The following SIK2 variants were observed in gnomAD, a reference collection of about 807,000 sequenced individuals.
SIK2 encodes salt inducible kinase 2.
SIK2 carries 29 observed loss-of-function variants against 103.2 expected under a neutral mutation model. That is an observed-to-expected ratio of 0.28 (90% CI 0.21 to 0.38). SIK2 has a LOEUF of 0.38. SIK2 is among the 10% of genes least tolerant of loss of function. The pLI, the probability that SIK2 is intolerant of heterozygous loss-of-function variation, is 1.00. For synonymous variants in SIK2, 412 were observed against 446.1 expected (o/e 0.92, Z 0.96); for missense variants, 879 against 1,171.0 (o/e 0.75, Z 3.64).
At chr11:111,647,195 A>C (rs181012308) in intron 3 of SIK2, among the ~76,000 whole-genome samples, 2 of 152,164 alleles carry the variant, frequency 1.3e-5, no homozygotes, top group Non-Finnish European at 2.9e-5. Flanking sequence ...CATTTAGATT[A>C]CTTCCAGTTT....
At chr11:111,620,188 G>A in intron 2 of SIK2, 151 bp from the exon 3 acceptor site, 1 of 617,414 alleles carries the variant, frequency 1.6e-6, no homozygotes, top group South Asian at 2.1e-5. Flanking sequence ...TAATCAGAAG[G>A]ATATTGTCAG....
chr11:111,651,882 C>CT (rs1456460443), intron 3 of SIK2, among the ~76,000 whole-genome samples: 2 of 152,228 alleles, frequency 1.3e-5, no homozygotes, highest in African/African-American at 4.8e-5. Context: ...AGCTCTATAG[C>CT]TTTTTTCTTG....
At chr11:111,662,154 A>G (rs1471074861) in intron 3 of SIK2, among the ~76,000 whole-genome samples, 1 of 152,234 alleles carries the variant, frequency 6.6e-6, no homozygotes, top group African/African-American at 2.4e-5. Context: ...AGTAATGTAT[A>G]TAGGATGATT....
intron 9 of SIK2, among the ~76,000 whole-genome samples, chr11:111,718,141 G>A (rs569099144): frequency 9.2e-5 from 14 of 152,250 alleles, no homozygotes; most frequent in African/African-American, 3.4e-4. Flanking sequence ...AAATTTTGAC[G>A]GAGGCCGTAA....
intron 4 of SIK2, among the ~76,000 whole-genome samples, chr11:111,692,386 A>AAAAAAAAAC (rs1942966824): frequency 8.5e-6 from 1 of 117,286 alleles, no homozygotes; most frequent in Non-Finnish European, 1.9e-5. Flanking sequence ...AAAAAAAAAA[A>AAAAAAAAAC]AACACAAAAA....
chr11:111,614,859 C>T (rs191259352), intron 1 of SIK2, among the ~76,000 whole-genome samples: 94 of 152,276 alleles, frequency 6.2e-4, no homozygotes, highest in Non-Finnish European at 1.3e-3. Flanking sequence ...TTATCCTCGG[C>T]TGGGCACAGT....
At position 111,727,713 on chromosome 11, in the gene SIK2, G is replaced by A. The variant is rs1439283981; in HGVS notation, c.*3584G>A. 1 of 152,610 alleles carries A rather than the reference G, an allele frequency of 6.6e-6. No individual in the cohort carries two copies. Among genetic ancestry groups the A allele is most frequent in the East Asian group, 1.9e-4 (1 of 5,196 alleles). The allele number at this position is 152,610 out of a possible 1,614,324, so 9.5% of individuals were successfully genotyped here. A position where few individuals can be genotyped will look rare whatever the true frequency, so the allele number is the denominator to read the frequency against. ...TCTGCCCACGGGTTAGATGTGGGGAGAAGGATATTCTCAGCTCCAGAGTGA... is the reference window on the plus strand; with the variant it reads ...TCTGCCCACGGGTTAGATGTGGGGAAAAGGATATTCTCAGCTCCAGAGTGA... On this transcript the variant is annotated 3_prime_UTR_variant, in exon 15 of 15. Coordinates refer to ENST00000304987, the MANE Select transcript of SIK2 (RefSeq NM_015191.3).
chr11:111,683,105 A>G (rs1441492384), intron 3 of SIK2: 1 of 152,416 alleles, frequency 6.6e-6, no homozygotes, highest in African/African-American at 2.4e-5. Context: ...TCAAAAATAC[A>G]TAAGCAGATA....
Position 111,689,722 on chromosome 11 carries a change from G to A in SIK2, c.478+1560G>A, listed in dbSNP as rs77380559. Among the ~76,000 whole-genome samples the A allele has an allele frequency of 5.9e-3, 897 of 152,292 alleles. 12 individuals are homozygous for A. Among genetic ancestry groups the A allele is most frequent in the African/African-American group, 0.021 (857 of 41,568 alleles). On this transcript the variant is annotated intron_variant, in intron 4 of 14. Transcript: ENST00000304987. ...GCTTCCTCGGTTTGCTGTATATGGT[G>A]TAAAATATAAGGTAAAACCCTCATG...
chr11:111,692,381 A>C (rs899049925), intron 4 of SIK2, among the ~76,000 whole-genome samples: 42 of 144,320 alleles, frequency 2.9e-4, no homozygotes, highest in Non-Finnish European at 5.7e-4. Flanking sequence ...AAAAAAAAAA[A>C]AAAAAAACAC....
intron 3 of SIK2, among the ~76,000 whole-genome samples, chr11:111,624,876 G>A (rs933578404): frequency 6.6e-6 from 1 of 152,154 alleles, no homozygotes; most frequent in African/African-American, 2.4e-5. Context: ...AGAAGGCCTC[G>A]CTGGCATTTG....
At chr11:111,662,667 G>A (rs1025497642) in intron 3 of SIK2, among the ~76,000 whole-genome samples, 1 of 151,562 alleles carries the variant, frequency 6.6e-6, no homozygotes, top group Non-Finnish European at 1.5e-5. Flanking sequence ...TCTTGAGCTC[G>A]GTAGTTTGAG....
At chr11:111,647,592 C>T (rs192017096) in intron 3 of SIK2, among the ~76,000 whole-genome samples, 1,695 of 135,766 alleles carry the variant, frequency 0.012, 15 homozygotes, top group Non-Finnish European at 0.019. Flanking sequence ...AGGCTGAACA[C>T]GGTGGCTCAC....
chr11:111,729,194 C>G lies in SIK2; in HGVS notation c.*5065C>G, dbSNP rs1050190568. On this transcript the variant is annotated 3_prime_UTR_variant, in exon 15 of 15. Transcript: ENST00000304987. ...CTGATTCTAGAAGACAGCCATCCTA[C>G]GTGCACCCCCACCTTGTGTCCACAT... 1 of 152,240 alleles carries G rather than the reference C, an allele frequency of 6.6e-6. No individual in the cohort carries two copies. Among genetic ancestry groups the G allele is most frequent in the Non-Finnish European group, 1.5e-5 (1 of 68,088 alleles). 9.4% of individuals were successfully genotyped at this position (152,240 alleles called of 1,614,324 possible). A position where few individuals can be genotyped will look rare whatever the true frequency, so the allele number is the denominator to read the frequency against.
intron 3 of SIK2, among the ~76,000 whole-genome samples, chr11:111,665,748 C>T (rs10466570): frequency 0.028 from 4,283 of 151,768 alleles, 200 homozygotes; most frequent in African/African-American, 0.097. Context: ...ATCACTTGAA[C>T]CCGGGAGGCA....
intron 7 of SIK2, among the ~76,000 whole-genome samples, chr11:111,703,973 CATACTT>C (rs1943276776): frequency 1.3e-5 from 2 of 152,170 alleles, no homozygotes; most frequent in Admixed American, 1.3e-4. Context: ...GAATAGTTAG[CATACTT>C]ATAGGATATA....
In SIK2 at chr11:111,703,261, A is replaced by C. The variant is rs1464516355; in HGVS notation, c.786A>C (p.Ile262=). ...TAGACCCATCCAAACGGCTAACCAT[A>C]GCCCAAATCAAGGAGCATAAATGGA... ...LVLDPSKRLT[I]AQIKEHKWML... The change falls in exon 7 of 15, where the codon ATA becomes ATC. Residue 262 remains isoleucine (I), a synonymous_variant. Transcript: ENST00000304987. The C allele has an allele frequency of 6.2e-7, 1 of 1,614,184 alleles. No individual in the cohort carries two copies. The highest frequency in any genetic ancestry group is 1.1e-5 in the South Asian group (1 of 91,086).
At position 111,724,621 on chromosome 11, in the gene SIK2, G is replaced by A. The variant is rs1239222725; in HGVS notation, c.*492G>A. The stretch of plus-strand genomic sequence containing the variant: ...GGAAATCAGATGCACAGGAAATAAA[G>A]GAAAGCTGTGCTTTGTCATTGAATC... On this transcript the variant is annotated 3_prime_UTR_variant, in exon 15 of 15. Coordinates refer to ENST00000304987, the MANE Select transcript of SIK2 (RefSeq NM_015191.3). The A allele has an allele frequency of 2.5e-5, 4 of 159,956 alleles. No homozygotes were observed. The highest frequency in any genetic ancestry group is 2.4e-4 in the Admixed American group (4 of 16,956). 9.9% of individuals were successfully genotyped at this position (159,956 alleles called of 1,614,324 possible).
chr11:111,673,999 G>A (rs530253860), intron 3 of SIK2, among the ~76,000 whole-genome samples: 12 of 151,416 alleles, frequency 7.9e-5, no homozygotes, highest in Admixed American at 1.3e-4. Context: ...ACTTGAACCC[G>A]CGAGACGGAG....
Sources: gnomAD v4.1 joint callset for allele counts (sites outside exome capture counted in the v4.1 genomes callset) on GRCh38, gnomAD v4.1.1 for gene constraint, MANE v1.5 for transcripts, NCBI Gene and HGNC (gene_info 2026-07-23, HGNC 2026-07-21) for gene names.